RAVER2: variants seen among roughly 807,000 people sequenced by gnomAD.
The protein encoded by RAVER2 is ribonucleoprotein, PTB binding 2, also known as ribonucleoprotein PTB-binding 2.
RAVER2 carries 46 observed loss-of-function variants against 78.1 expected under a neutral mutation model. The ratio of observed to expected loss-of-function variants is 0.59; its 90% confidence interval spans 0.46 to 0.75. The LOEUF (loss-of-function observed/expected upper bound fraction) is 0.75. RAVER2 is among the 30% of genes least tolerant of loss of function. The pLI is 0.00. For missense variants in RAVER2, 793 were observed against 837.5 expected (o/e 0.95, Z 0.66); for synonymous variants, 311 against 313.3 (o/e 0.99, Z 0.08).
chr1:64,811,997 G>A (rs1051635163), intron 9 of RAVER2, among the ~76,000 whole-genome samples: 2 of 152,072 alleles, frequency 1.3e-5, no homozygotes, highest in African/African-American at 4.8e-5. Context: ...AGTACCAGAG[G>A]TAAATAAGCT....
intron 1 of RAVER2, among the ~76,000 whole-genome samples, chr1:64,764,413 A>G (rs1040006017): frequency 6.6e-6 from 1 of 152,108 alleles, no homozygotes; most frequent in African/African-American, 2.4e-5. Context: ...TGAACTCCAA[A>G]CTCACTAAAA....
At chr1:64,832,222 G>A in exon 12 of RAVER2, 1 of 152,600 alleles carries the variant, frequency 6.6e-6, no homozygotes, top group East Asian at 1.9e-4. Context: ...TGCACTTTCT[G>A]ATGGAGTCTT....
intron 1 of RAVER2, among the ~76,000 whole-genome samples, chr1:64,767,773 G>A (rs942020253): frequency 2.6e-5 from 4 of 151,970 alleles, no homozygotes; most frequent in Admixed American, 1.3e-4. Flanking sequence ...GAGTGCCTAC[G>A]ATATGCAAAG....
chr1:64,785,409 G>A (rs956237417), intron 4 of RAVER2, among the ~76,000 whole-genome samples: 17 of 138,096 alleles, frequency 1.2e-4, no homozygotes, highest in South Asian at 4.5e-4. Context: ...TTGCTCTGTC[G>A]TTCAGGCTGG....
intron 10 of RAVER2, 144 bp downstream of exon 10, chr1:64,812,993 A>C (rs1010623055): frequency 3.0e-5 from 16 of 530,980 alleles, no homozygotes; most frequent in African/African-American, 2.0e-5. Context: ...TTGAAAGAAT[A>C]ATTAAAACTA....
exon 11 of RAVER2, chr1:64,814,816 T>G: frequency 1.9e-6 from 3 of 1,582,202 alleles, no homozygotes; most frequent in Non-Finnish European, 2.6e-6. Flanking sequence ...TTGCTTATTC[T>G]CCACCTTTTG....
chr1:64,795,808 T>C (rs976359343), intron 5 of RAVER2, among the ~76,000 whole-genome samples: 11 of 152,188 alleles, frequency 7.2e-5, no homozygotes, highest in African/African-American at 2.4e-4. Flanking sequence ...CTTGCTTTTT[T>C]GCATTAGATA....
chr1:64,791,361 T>C (rs1028298020), intron 5 of RAVER2, among the ~76,000 whole-genome samples: 2 of 152,170 alleles, frequency 1.3e-5, no homozygotes. Flanking sequence ...CAGGCTGATA[T>C]CACATGATGC....
At chr1:64,803,769 A>G (rs1653335396) in intron 6 of RAVER2, among the ~76,000 whole-genome samples, 1 of 152,180 alleles carries the variant, frequency 6.6e-6, no homozygotes, top group African/African-American at 2.4e-5. Context: ...AGTATCTGAC[A>G]TATATGTATT....
intron 5 of RAVER2, among the ~76,000 whole-genome samples, chr1:64,801,594 G>T (rs904993295): frequency 1.3e-5 from 2 of 151,370 alleles, no homozygotes; most frequent in African/African-American, 4.9e-5. Flanking sequence ...TCCAGGCCGG[G>T]CGCGGTGGCT....
chr1:64,758,773 C>T (rs1466635895), intron 1 of RAVER2, among the ~76,000 whole-genome samples: 2 of 152,058 alleles, frequency 1.3e-5, no homozygotes, highest in African/African-American at 4.8e-5. Context: ...CCTGCCTGGA[C>T]TTATGATCTA....
At chr1:64,809,489 AAAAT>A (rs10691863) in intron 9 of RAVER2, among the ~76,000 whole-genome samples, 58 of 147,450 alleles carry the variant, frequency 3.9e-4, no homozygotes, top group Middle Eastern at 3.4e-3. Flanking sequence ...CTCTAGTGCA[AAAAT>A]AAATAAATAA....
chr1:64,805,088 A>G (rs777609967), exon 8 of RAVER2: 3 of 1,613,860 alleles, frequency 1.9e-6, no homozygotes, highest in Non-Finnish European at 2.5e-6. Flanking sequence ...GGACATCATC[A>G]TGGAGAAGCA....
intron 2 of RAVER2, 91 bp from the exon 3 acceptor site, chr1:64,777,530 GTT>G: frequency 9.6e-7 from 1 of 1,036,930 alleles, no homozygotes; most frequent in Non-Finnish European, 1.4e-6. Context: ...AAAGGTGTAT[GTT>G]TATGTGTACC....
At chr1:64,780,681 C>T (rs995400545) in intron 3 of RAVER2, among the ~76,000 whole-genome samples, 1 of 152,118 alleles carries the variant, frequency 6.6e-6, no homozygotes, top group Non-Finnish European at 1.5e-5. Context: ...AGTGTCTTAT[C>T]TTGTTCTTAT....
intron 11 of RAVER2, among the ~76,000 whole-genome samples, chr1:64,821,213 A>T (rs1653879943): frequency 6.6e-6 from 1 of 152,098 alleles, no homozygotes; most frequent in Admixed American, 6.5e-5. Flanking sequence ...TCTTCTTTTG[A>T]GAAGTGTCTG....
intron 2 of RAVER2, among the ~76,000 whole-genome samples, chr1:64,774,053 G>GT (rs1652394988): frequency 6.6e-6 from 1 of 152,110 alleles, no homozygotes; most frequent in Admixed American, 6.5e-5. Context: ...ATTTGTTTGA[G>GT]TTTTTTGTAG....
intron 11 of RAVER2, among the ~76,000 whole-genome samples, chr1:64,829,757 C>A (rs1421066069): frequency 3.3e-5 from 5 of 152,316 alleles, no homozygotes; most frequent in East Asian, 1.9e-4. Context: ...AAGCCAGATT[C>A]TTTGCCCATC....
chr1:64,786,616 C>G (rs1652787022), intron 4 of RAVER2, among the ~76,000 whole-genome samples: 1 of 151,612 alleles, frequency 6.6e-6, no homozygotes, highest in Non-Finnish European at 1.5e-5. Context: ...CATGGCGAAA[C>G]CCGGTCTCTA....
Sources: allele counts gnomAD v4.1 joint callset (sites outside exome capture counted in the v4.1 genomes callset), GRCh38; gene constraint gnomAD v4.1.1; transcripts MANE v1.5; gene names NCBI Gene and HGNC (gene_info 2026-07-23, HGNC 2026-07-21).